RCAN3: variants seen among roughly 807,000 people sequenced by gnomAD.
RCAN3 encodes calcipressin-3.
Under a neutral mutation model 21.9 loss-of-function variants are expected in RCAN3, and 19 were observed. The observed-to-expected ratio is 0.87, with a 90% confidence interval of 0.61 to 1.27. RCAN3 has a LOEUF of 1.27. RCAN3 is among the 50% of genes most tolerant of loss of function. The pLI, the probability that RCAN3 is intolerant of heterozygous loss-of-function variation, is 0.00. For synonymous variants in RCAN3, 114 were observed against 112.3 expected (o/e 1.01, Z -0.09); for missense variants, 240 against 300.1 (o/e 0.80, Z 1.48).
chr1:24,533,105 G>A lies in RCAN3; in HGVS notation c.392G>A (p.Arg131Gln), dbSNP rs376349376. Residue 131 changes from arginine to glutamine, a missense_variant, in exon 4 of 5, where the codon CGG (arginine) becomes CAG (glutamine). By Grantham distance (43) the Arg-to-Gln change is conservative. Transcript: ENST00000374395. Reference protein sequence around the residue: ...FAQVQMSGEVRDKSYLLPPQP... With the variant: ...FAQVQMSGEVQDKSYLLPPQP... ...CAGGTGCAGATGTCCGGCGAAGTGC[G>A]GGACAAGTCCTATCTCCTGCCGCCC... is the stretch of plus-strand genomic sequence containing the variant. 21 of 1,514,104 alleles carry A rather than the reference G, an allele frequency of 1.4e-5. No individual in the cohort carries two copies. Among genetic ancestry groups the A allele is most frequent in the Admixed American group, 9.3e-5 (4 of 43,104 alleles). 93.8% of individuals were successfully genotyped at this position (1,514,104 alleles called of 1,614,324 possible). A position where few individuals can be genotyped will look rare whatever the true frequency, so the allele number is the denominator to read the frequency against.
At chr1:24,505,872 G>T (rs1647398255) in intron 1 of RCAN3, among the ~76,000 whole-genome samples, 1 of 152,178 alleles carries the variant, frequency 6.6e-6, no homozygotes, top group African/African-American at 2.4e-5. Context: ...GGAGGAGAAA[G>T]AATTTGCGTT....
chr1:24,524,828 G>GTTT (rs5773091), intron 2 of RCAN3, among the ~76,000 whole-genome samples: 47 of 127,236 alleles, frequency 3.7e-4, no homozygotes, highest in African/African-American at 4.4e-4. Context: ...GTTTTCTTTT[G>GTTT]TTTTTTTTTT....
At chr1:24,521,604 T>G (rs2148902411) in intron 2 of RCAN3, among the ~76,000 whole-genome samples, 2 of 152,270 alleles carry the variant, frequency 1.3e-5, no homozygotes, top group South Asian at 4.2e-4. Flanking sequence ...TCCCAGCACT[T>G]TGGGAATACA....
chr1:24,509,563 A>C (rs563243645), intron 1 of RCAN3, among the ~76,000 whole-genome samples: 1 of 152,296 alleles, frequency 6.6e-6, no homozygotes, highest in South Asian at 2.1e-4. Context: ...GTTTTGTTTG[A>C]GATTGCAGGA....
chr1:24,504,577 T>G (rs952365645), intron 1 of RCAN3, among the ~76,000 whole-genome samples: 1 of 152,242 alleles, frequency 6.6e-6, no homozygotes, highest in African/African-American at 2.4e-5. Flanking sequence ...ATGTGAACAT[T>G]AGGTAACAGA....
At chr1:24,528,730 C>T (rs1218374878) in intron 2 of RCAN3, among the ~76,000 whole-genome samples, 3 of 152,046 alleles carry the variant, frequency 2.0e-5, no homozygotes, top group Non-Finnish European at 4.4e-5. Context: ...ACCAAATGTA[C>T]GAAAAAATAA....
At chr1:24,518,654 A>C (rs1648539016) in intron 2 of RCAN3, among the ~76,000 whole-genome samples, 1 of 151,832 alleles carries the variant, frequency 6.6e-6, no homozygotes, top group Non-Finnish European at 1.5e-5. Context: ...ATGTGGTGGC[A>C]TGATCATAGG....
chr1:24,510,934 C>T (rs1203340510), intron 1 of RCAN3, among the ~76,000 whole-genome samples: 1 of 152,162 alleles, frequency 6.6e-6, no homozygotes, highest in Non-Finnish European at 1.5e-5. Flanking sequence ...TGTCGTGTCT[C>T]AGAGAGTAGG....
chr1:24,523,150 ACC>A (rs1467999682), intron 2 of RCAN3, among the ~76,000 whole-genome samples: 2 of 148,382 alleles, frequency 1.3e-5, no homozygotes, highest in Non-Finnish European at 3.0e-5. Context: ...TGCAACCTTC[ACC>A]TCCCGGGTTC....
At chr1:24,527,063 G>A (rs1649329439) in intron 2 of RCAN3, among the ~76,000 whole-genome samples, 1 of 151,902 alleles carries the variant, frequency 6.6e-6, no homozygotes, top group South Asian at 2.1e-4. Context: ...AGACAGTCTT[G>A]CTCTGTTACT....
In RCAN3 at chr1:24,538,172, G is replaced by A. The variant is rs559783196; in HGVS notation, c.*2895G>A. ...ACAAATCCATGTAAAAAGTGTTCCA[G>A]TGAGCATCTCTGAGGTTTAAGGTAC... On this transcript the variant is annotated 3_prime_UTR_variant, in exon 5 of 5. Coordinates refer to ENST00000374395, the MANE Select transcript of RCAN3 (RefSeq NM_013441.4). The A allele has an allele frequency of 2.0e-5, 3 of 152,272 alleles. No homozygotes were observed. In the South Asian group the frequency reaches 6.2e-4, roughly 32 times the overall value. The allele number at this position is 152,272 out of a possible 1,614,324, so 9.4% of individuals were successfully genotyped here.
At position 24,525,721 on chromosome 1, in the gene RCAN3, C is replaced by T. The variant is rs9424383; in HGVS notation, c.196-5497C>T. On this transcript the variant is annotated intron_variant, in intron 2 of 4. Coordinates refer to ENST00000374395, the MANE Select transcript of RCAN3 (RefSeq NM_013441.4). The surrounding 1 kb of genome is among the most constrained non-coding windows in gnomAD (Gnocchi z 4.1). The stretch of plus-strand genomic sequence containing the variant: ...ACAGCTGCAGATCCTTCCTGTTTAT[C>T]GCAAGTCATTTTCAGTCCATTTTCA... Among the ~76,000 whole-genome samples, 10,523 of 152,152 alleles carry T rather than the reference C, an allele frequency of 0.069. 1,173 individuals carry two copies. The highest frequency in any genetic ancestry group is 0.23 in the African/African-American group (9,621 of 41,454).
chr1:24,518,603 T>C (rs898673269), intron 2 of RCAN3, among the ~76,000 whole-genome samples: 44 of 152,180 alleles, frequency 2.9e-4, no homozygotes, highest in African/African-American at 1.0e-3. Context: ...TCTCTGTCTT[T>C]TAAAAAAGCA....
chr1:24,515,578 A>G (rs1235360949), intron 2 of RCAN3, among the ~76,000 whole-genome samples: 1 of 152,128 alleles, frequency 6.6e-6, no homozygotes, highest in Non-Finnish European at 1.5e-5. Flanking sequence ...GCTTTTTCTC[A>G]AAACCCTATC....
intron 1 of RCAN3, among the ~76,000 whole-genome samples, chr1:24,505,676 AT>A (rs1049177986): frequency 3.3e-5 from 5 of 152,060 alleles, no homozygotes; most frequent in African/African-American, 1.2e-4. Context: ...AAACCAAGGG[AT>A]TTTTCCCAAG....
At chr1:24,518,857 TC>T (rs1364114199) in intron 2 of RCAN3, among the ~76,000 whole-genome samples, 1 of 152,106 alleles carries the variant, frequency 6.6e-6, no homozygotes, top group Non-Finnish European at 1.5e-5. Flanking sequence ...CAGTGCAACC[TC>T]TGCCTCCCGG....
chr1:24,534,620 A>G (rs527319240), intron 4 of RCAN3, among the ~76,000 whole-genome samples: 6 of 151,332 alleles, frequency 4.0e-5, no homozygotes, highest in South Asian at 4.2e-4. Flanking sequence ...AAAAAGAAAA[A>G]AAAAAACCAT....
At chr1:24,521,977 CAGAT>C (rs1305279213) in intron 2 of RCAN3, among the ~76,000 whole-genome samples, 5 of 152,104 alleles carry the variant, frequency 3.3e-5, no homozygotes, top group African/African-American at 1.2e-4. Context: ...GTTCAGGAGA[CAGAT>C]AGTGGTGATG....
intron 2 of RCAN3, among the ~76,000 whole-genome samples, chr1:24,515,148 A>G (rs1052302222): frequency 3.9e-5 from 6 of 152,160 alleles, no homozygotes; most frequent in Non-Finnish European, 7.4e-5. Flanking sequence ...TATTCAATCC[A>G]TTCACTTATT....
Sources: gnomAD v4.1 joint callset for allele counts (sites outside exome capture counted in the v4.1 genomes callset) on GRCh38, gnomAD v4.1.1 for gene constraint, Gnocchi (gnomAD v3.1) non-coding constraint, MANE v1.5 for transcripts, NCBI Gene and HGNC (gene_info 2026-07-23, HGNC 2026-07-21) for gene names.